SNTB1: variants seen among roughly 807,000 people sequenced by gnomAD.
SNTB1 encodes beta-1-syntrophin.
Under a neutral mutation model 48.9 loss-of-function variants are expected in SNTB1, and 36 were observed. The observed-to-expected ratio is 0.74, with a 90% confidence interval of 0.56 to 0.97. The LOEUF (loss-of-function observed/expected upper bound fraction) is 0.97. Among genes scored for constraint, SNTB1 ranks in the 50% least tolerant of loss-of-function variants. The pLI is 0.00. For synonymous variants in SNTB1, 299 were observed against 294.6 expected (o/e 1.01, Z -0.15); for missense variants, 786 against 703.4 (o/e 1.12, Z -1.33).
chr8:120,793,859 G>T (rs1267529319), intron 1 of SNTB1, among the ~76,000 whole-genome samples: 1 of 151,968 alleles, frequency 6.6e-6, no homozygotes, highest in Non-Finnish European at 1.5e-5. Context: ...TTTTTGAAAT[G>T]TTCATATATT....
At chr8:120,704,337 C>A (rs551429223) in intron 1 of SNTB1, among the ~76,000 whole-genome samples, 5 of 152,080 alleles carry the variant, frequency 3.3e-5, no homozygotes, top group African/African-American at 9.6e-5. Context: ...ACACCTGTAG[C>A]CCTACCTGCT....
intron 4 of SNTB1, 67 bp downstream of exon 4, chr8:120,575,019 C>G: frequency 6.3e-7 from 1 of 1,598,444 alleles, no homozygotes; most frequent in Non-Finnish European, 8.6e-7. Context: ...ACGTATTGAG[C>G]TAATTGTAAT....
At chr8:120,671,827 G>C (rs1817762481) in intron 2 of SNTB1, among the ~76,000 whole-genome samples, 1 of 152,204 alleles carries the variant, frequency 6.6e-6, no homozygotes, top group African/African-American at 2.4e-5. Context: ...TCTTTGAGAG[G>C]AGAACCAAGT....
Position 120,566,329 on chromosome 8 carries a change from CAAAAAAAAAA to C in SNTB1, c.1136+8747_1136+8756del, listed in dbSNP as rs71306894. Among the ~76,000 whole-genome samples the C allele has an allele frequency of 2.2e-3, 174 of 78,294 alleles. 1 individual carries two copies. The highest frequency in any genetic ancestry group is 7.3e-3 in the African/African-American group (152 of 20,734). 51.4% of individuals were successfully genotyped at this position (78,294 alleles called of 152,430 possible). A position where few individuals can be genotyped will look rare whatever the true frequency, so the allele number is the denominator to read the frequency against. ...GGGCGACAAGAGCAAGACTCTGTCT[CAAAAAAAAAA>C]AAAAAAAAAAAAAAGGGTGGGGGAG... On this transcript the variant is annotated intron_variant, in intron 4 of 6. Coordinates refer to ENST00000517992, the MANE Select transcript of SNTB1 (RefSeq NM_021021.4).
chr8:120,555,971 C>G (rs1815560502), intron 4 of SNTB1, among the ~76,000 whole-genome samples: 1 of 152,182 alleles, frequency 6.6e-6, no homozygotes, highest in Admixed American at 6.5e-5. Flanking sequence ...GACTTCCAGC[C>G]TCCAGAACTG....
At chr8:120,784,078 C>G (rs1819875706) in intron 1 of SNTB1, among the ~76,000 whole-genome samples, 1 of 152,052 alleles carries the variant, frequency 6.6e-6, no homozygotes, top group South Asian at 2.1e-4. Context: ...ACTGCAACCT[C>G]CACCTCCTGG....
chr8:120,654,771 T>C (rs1285527293), intron 2 of SNTB1: 1 of 283,878 alleles, frequency 3.5e-6, no homozygotes, highest in Non-Finnish European at 7.0e-6. Flanking sequence ...CATCCTCTAC[T>C]TCCTCTGTTT....
intron 2 of SNTB1, among the ~76,000 whole-genome samples, chr8:120,638,990 A>G (rs1300797239): frequency 6.6e-6 from 1 of 152,236 alleles, no homozygotes; most frequent in Non-Finnish European, 1.5e-5. Flanking sequence ...TGGTTGAACT[A>G]GTTTACAGTC....
intron 2 of SNTB1, among the ~76,000 whole-genome samples, chr8:120,644,386 C>T (rs2129684160): frequency 7.1e-6 from 1 of 141,248 alleles, no homozygotes; most frequent in African/African-American, 2.6e-5. Flanking sequence ...TTGTTCAATT[C>T]CCACCTATGA....
At chr8:120,746,730 T>C (rs1819131358) in intron 1 of SNTB1, among the ~76,000 whole-genome samples, 1 of 152,250 alleles carries the variant, frequency 6.6e-6, no homozygotes, top group African/African-American at 2.4e-5. Flanking sequence ...TAATGATTTC[T>C]TTCCGTTATT....
intron 2 of SNTB1, among the ~76,000 whole-genome samples, chr8:120,652,960 T>C (rs751962707): frequency 2.6e-5 from 4 of 152,168 alleles, no homozygotes; most frequent in Non-Finnish European, 5.9e-5. Context: ...AGTAAATCTC[T>C]TGGGTTACAA....
At chr8:120,772,561 A>G (rs1819656511) in intron 1 of SNTB1, among the ~76,000 whole-genome samples, 1 of 152,186 alleles carries the variant, frequency 6.6e-6, no homozygotes, top group South Asian at 2.1e-4. Flanking sequence ...GCACACTTTT[A>G]AAATGTGTGT....
intron 1 of SNTB1, among the ~76,000 whole-genome samples, chr8:120,809,994 C>T (rs1820399000): frequency 6.6e-6 from 1 of 152,176 alleles, no homozygotes; most frequent in Admixed American, 6.5e-5. Context: ...ACACTAGTGC[C>T]ACGACTCGGT....
At chr8:120,642,916 C>CA (rs991519836) in intron 2 of SNTB1, among the ~76,000 whole-genome samples, 3 of 151,962 alleles carry the variant, frequency 2.0e-5, no homozygotes, top group Admixed American at 6.6e-5. Flanking sequence ...TACTGAAAAA[C>CA]AAAAAAACAA....
At chr8:120,787,046 C>T (rs1819936406) in intron 1 of SNTB1, among the ~76,000 whole-genome samples, 2 of 152,262 alleles carry the variant, frequency 1.3e-5, no homozygotes, top group Admixed American at 6.5e-5. Context: ...GCTCACATAC[C>T]TAACACATCA....
At chr8:120,676,479 T>C (rs4871094) in intron 2 of SNTB1, among the ~76,000 whole-genome samples, 23,795 of 152,206 alleles carry the variant, frequency 0.16, 3,524 homozygotes, top group African/African-American at 0.39. Flanking sequence ...CAAAGCCACA[T>C]GCTCTTTCCA....
At chr8:120,691,747 T>TA (rs146965690) in intron 2 of SNTB1, among the ~76,000 whole-genome samples, 29 of 151,732 alleles carry the variant, frequency 1.9e-4, no homozygotes, top group African/African-American at 5.8e-4. Flanking sequence ...TTAGACTATT[T>TA]AAAAAAAAAC....
intron 1 of SNTB1, among the ~76,000 whole-genome samples, chr8:120,738,547 TCC>T (rs1818988639): frequency 8.0e-6 from 1 of 125,434 alleles, no homozygotes; most frequent in East Asian, 7.0e-4. Context: ...CTTCCTTCTT[TCC>T]TTCCTTCCTT....
chr8:120,562,109 C>G (rs1260298649), intron 4 of SNTB1, among the ~76,000 whole-genome samples: 1 of 152,202 alleles, frequency 6.6e-6, no homozygotes, highest in East Asian at 1.9e-4. Flanking sequence ...AATGCAGAGT[C>G]AAATATGTCA....
Sources: gnomAD v4.1 joint callset for allele counts (sites outside exome capture counted in the v4.1 genomes callset) on GRCh38, gnomAD v4.1.1 for gene constraint, MANE v1.5 for transcripts, NCBI Gene and HGNC (gene_info 2026-07-23, HGNC 2026-07-21) for gene names.